ZNF385D: variants seen among roughly 807,000 people sequenced by gnomAD.
ZNF385D encodes zinc finger protein 659.
A neutral mutation model predicts 35.8 loss-of-function variants in ZNF385D; 15 were observed. The observed-to-expected ratio is 0.42, with a 90% CI of 0.28 to 0.64. The LOEUF (loss-of-function observed/expected upper bound fraction) is 0.64, where lower values mean the gene tolerates loss of function less well. ZNF385D is among the 30% of genes least tolerant of loss of function. The probability of loss-of-function intolerance (pLI) is 0.23; values close to 1 mark genes in which losing one functional copy is unlikely to be tolerated. For missense variants in ZNF385D, 474 were observed against 494.6 expected (o/e 0.96, Z 0.39); for synonymous variants, 212 against 186.8 (o/e 1.13, Z -1.10).
intron 3 of ZNF385D, among the ~76,000 whole-genome samples, chr3:21,830,336 C>A (rs1559668403): frequency 6.6e-6 from 1 of 152,094 alleles, no homozygotes; most frequent in South Asian, 2.1e-4. Flanking sequence ...AGTTGATGAG[C>A]TGTTTGGATG....
chr3:21,692,141 T>G (rs1401191661), intron 1 of ZNF385D, among the ~76,000 whole-genome samples: 2 of 152,206 alleles, frequency 1.3e-5, no homozygotes, highest in Non-Finnish European at 2.9e-5. Flanking sequence ...CAATGAAGAT[T>G]TGGGTTGTTT....
At chr3:21,870,006 T>C (rs1437051443) in intron 3 of ZNF385D, among the ~76,000 whole-genome samples, 1 of 152,014 alleles carries the variant, frequency 6.6e-6, no homozygotes, top group Non-Finnish European at 1.5e-5. Flanking sequence ...CACTGTGGAT[T>C]TTTTTTTAAA....
intron 3 of ZNF385D, among the ~76,000 whole-genome samples, chr3:21,801,779 T>G (rs2072415974): frequency 6.6e-6 from 1 of 152,118 alleles, no homozygotes; most frequent in Admixed American, 6.6e-5. Context: ...GGATTTTCAG[T>G]GAGAATCTCT....
chr3:21,977,135 T>A (rs1703678420), intron 3 of ZNF385D, among the ~76,000 whole-genome samples: 1 of 152,168 alleles, frequency 6.6e-6, no homozygotes, highest in South Asian at 2.1e-4. Context: ...GTGGAACTAA[T>A]CTATGACTCT....
intron 2 of ZNF385D, among the ~76,000 whole-genome samples, chr3:22,200,139 G>C (rs1447251548): frequency 1.3e-5 from 2 of 152,082 alleles, no homozygotes; most frequent in Admixed American, 6.6e-5. Flanking sequence ...AGGGCCATAG[G>C]ATAATTTACA....
chr3:22,178,308 T>A (rs1026373748), intron 2 of ZNF385D, among the ~76,000 whole-genome samples: 2 of 152,220 alleles, frequency 1.3e-5, no homozygotes, highest in Non-Finnish European at 2.9e-5. Context: ...CTCATTGTGG[T>A]TTTGATTTGC....
intron 2 of ZNF385D, among the ~76,000 whole-genome samples, chr3:22,217,891 A>G (rs1697991342): frequency 6.6e-6 from 1 of 152,148 alleles, no homozygotes; most frequent in Non-Finnish European, 1.5e-5. Context: ...CAGGAAAGGG[A>G]ATGTATTCTC....
chr3:22,030,255 T>TTATATATATATATA (rs1559316329), intron 3 of ZNF385D, among the ~76,000 whole-genome samples: 6 of 27,916 alleles, frequency 2.1e-4, no homozygotes, highest in African/African-American at 9.3e-4. Flanking sequence ...ATAAACTCAT[T>TTATATATATATATA]CATATATATA....
chr3:22,181,418 C>T (rs1028404701), intron 2 of ZNF385D, among the ~76,000 whole-genome samples: 1 of 151,886 alleles, frequency 6.6e-6, no homozygotes, highest in Admixed American at 6.6e-5. Context: ...TAAAGGTGGC[C>T]GGGCGCGGTG....
chr3:22,023,043 T>G (rs939035554), intron 3 of ZNF385D, among the ~76,000 whole-genome samples: 1 of 152,164 alleles, frequency 6.6e-6, no homozygotes. Flanking sequence ...AAATAATGTG[T>G]ATTCCAGGCT....
chr3:21,949,874 A>G (rs892772811), intron 3 of ZNF385D, among the ~76,000 whole-genome samples: 2 of 152,136 alleles, frequency 1.3e-5, no homozygotes, highest in African/African-American at 4.8e-5. Flanking sequence ...TGTCCCTGCA[A>G]AAGACATGAA....
intron 2 of ZNF385D, among the ~76,000 whole-genome samples, chr3:22,259,175 T>C (rs1376556710): frequency 6.6e-6 from 1 of 151,856 alleles, no homozygotes; most frequent in Non-Finnish European, 1.5e-5. Flanking sequence ...GTTTACAGAG[T>C]TATACTGATT....
At chr3:22,214,606 T>C (rs1322980744) in intron 2 of ZNF385D, among the ~76,000 whole-genome samples, 2 of 152,000 alleles carry the variant, frequency 1.3e-5, no homozygotes, top group African/African-American at 4.8e-5. Flanking sequence ...ACCTCTAAAA[T>C]GGCCGCTTCA....
chr3:21,775,620 G>GA (rs1169530881), intron 3 of ZNF385D, among the ~76,000 whole-genome samples: 1 of 151,772 alleles, frequency 6.6e-6, no homozygotes, highest in Non-Finnish European at 1.5e-5. Flanking sequence ...TTATCATGAT[G>GA]ATTTCGGTTA....
At chr3:21,797,730 A>C (rs190855295) in intron 3 of ZNF385D, among the ~76,000 whole-genome samples, 2 of 152,334 alleles carry the variant, frequency 1.3e-5, no homozygotes, top group East Asian at 3.9e-4. Flanking sequence ...CATATTATCA[A>C]GTGAAACGAG....
chr3:21,617,842 C>T (rs1378624016), intron 2 of ZNF385D, among the ~76,000 whole-genome samples: 1 of 152,122 alleles, frequency 6.6e-6, no homozygotes, highest in South Asian at 2.1e-4. Context: ...GCCTTCTTTC[C>T]CTCCTTCACC....
At chr3:22,307,510 G>A (rs1703295273) in intron 2 of ZNF385D, among the ~76,000 whole-genome samples, 1 of 152,076 alleles carries the variant, frequency 6.6e-6, no homozygotes, top group Admixed American at 6.6e-5. Context: ...GAATAAATAA[G>A]TACTTGTGTG....
intron 2 of ZNF385D, among the ~76,000 whole-genome samples, chr3:22,202,188 A>T (rs1202429827): frequency 6.6e-6 from 1 of 152,108 alleles, no homozygotes; most frequent in African/African-American, 2.4e-5. Context: ...TGATATAAAA[A>T]CTAACTGATT....
intron 3 of ZNF385D, among the ~76,000 whole-genome samples, chr3:21,551,117 T>C (rs544564251): frequency 7.9e-5 from 12 of 152,288 alleles, no homozygotes; most frequent in South Asian, 2.1e-4. Context: ...GCTGAATGGC[T>C]TTCCATAGCA....
Sources: allele counts gnomAD v4.1 joint callset (sites outside exome capture counted in the v4.1 genomes callset), GRCh38; gene constraint gnomAD v4.1.1; transcripts MANE v1.5; gene names NCBI Gene and HGNC (gene_info 2026-07-23, HGNC 2026-07-21).